The following DAB1 variants were observed in gnomAD, a reference collection of about 807,000 sequenced individuals.
The protein encoded by DAB1 is disabled homolog 1.
DAB1 carries 15 observed loss-of-function variants against 64.6 expected under a neutral mutation model. The observed-to-expected ratio is 0.23, with a 90% CI of 0.16 to 0.36. The LOEUF (loss-of-function observed/expected upper bound fraction) is 0.36, where lower values mean the gene tolerates loss of function less well. Among genes scored for constraint, DAB1 ranks in the 10% least tolerant of loss-of-function variants. DAB1 has a pLI of 1.00. For synonymous variants in DAB1, 235 were observed against 251.9 expected (o/e 0.93, Z 0.64); for missense variants, 596 against 706.7 (o/e 0.84, Z 1.78).
At chr1:58,167,910 C>G (rs1380268096) in intron 4 of DAB1, among the ~76,000 whole-genome samples, 1 of 152,198 alleles carries the variant, frequency 6.6e-6, no homozygotes, top group Non-Finnish European at 1.5e-5. Flanking sequence ...ACTTTAAGAA[C>G]TGTAACACTC....
At position 57,007,952 on chromosome 1, in the gene DAB1, C is replaced by A. The variant is rs1011702207; in HGVS notation, c.*15+2728G>T. Among the ~76,000 whole-genome samples, 6 of 152,182 alleles carry A rather than the reference C, an allele frequency of 3.9e-5. No homozygotes were observed. In the South Asian group the frequency reaches 1.2e-3, roughly 31 times the overall value. On this transcript the variant is annotated intron_variant, in intron 14 of 14. Coordinates refer to ENST00000371236, the MANE Select transcript of DAB1 (RefSeq NM_001365792.1). Reference sequence around the variant, plus strand: ...TTGTGCTGCTGTCGATGGAGGGACCCAGAATGGCTCTCCCAGACGTCCCCC... The same window carrying A: ...TTGTGCTGCTGTCGATGGAGGGACCAAGAATGGCTCTCCCAGACGTCCCCC...
chr1:58,376,184 T>G (rs1305647941), intron 3 of DAB1, among the ~76,000 whole-genome samples: 1 of 150,852 alleles, frequency 6.6e-6, no homozygotes, highest in East Asian at 1.9e-4. Context: ...TTCCTTCAGT[T>G]CTGCTCTGAT....
At chr1:57,428,086 T>C (rs754915914), upstream of DAB1, among the ~76,000 whole-genome samples, 17 of 152,062 alleles carry the variant, frequency 1.1e-4, no homozygotes, top group Admixed American at 2.6e-4. Flanking sequence ...GAGAATCACC[T>C]GAACCCAGGA....
intron 4 of DAB1, among the ~76,000 whole-genome samples, chr1:58,313,015 C>T (rs1321119101): frequency 1.3e-5 from 2 of 151,920 alleles, no homozygotes; most frequent in African/African-American, 4.8e-5. Flanking sequence ...TTATTTTAAC[C>T]CTTGGGGCCT....
intron 5 of DAB1, among the ~76,000 whole-genome samples, chr1:57,964,363 T>TA (rs1247068238): frequency 1.3e-5 from 2 of 152,218 alleles, no homozygotes; most frequent in Admixed American, 1.3e-4. Flanking sequence ...ATTGAGCTCT[T>TA]ACTGTAGACA....
At chr1:57,867,636 G>A (rs952799515) in intron 1 of DAB1, among the ~76,000 whole-genome samples, 2 of 152,064 alleles carry the variant, frequency 1.3e-5, no homozygotes, top group Non-Finnish European at 2.9e-5. Context: ...GTGTGGCCAC[G>A]TTGCCTCTCC....
Position 56,997,767 on chromosome 1 carries a change from G to C in DAB1, c.*377C>G, listed in dbSNP as rs1482898287. 6.6e-6 allele frequency: 1 copy of C among 152,172 alleles called. No individual in the cohort carries two copies. Among genetic ancestry groups the C allele is most frequent in the African/African-American group, 2.4e-5 (1 of 41,450 alleles). The allele number at this position is 152,172 out of a possible 1,614,324, so 9.4% of individuals were successfully genotyped here. ...TTTGGTGTCTCAACAGTGGTCAACA[G>C]GTAGAGAAATAAAAAGGGAATTAAT... On this transcript the variant is annotated 3_prime_UTR_variant, in exon 15 of 15. Coordinates refer to ENST00000371236, the MANE Select transcript of DAB1 (RefSeq NM_001365792.1).
At chr1:58,535,360 T>C (rs992577810) in intron 1 of DAB1, among the ~76,000 whole-genome samples, 1 of 152,150 alleles carries the variant, frequency 6.6e-6, no homozygotes, top group African/African-American at 2.4e-5. Flanking sequence ...CCCAGCACTT[T>C]AGGAGGTGGG....
intron 1 of DAB1, among the ~76,000 whole-genome samples, chr1:57,883,088 A>G (rs997735334): frequency 2.0e-5 from 3 of 152,170 alleles, no homozygotes; most frequent in African/African-American, 7.2e-5. Context: ...TGCTCTGTTA[A>G]TCAACCTCCC....
chr1:57,857,465 A>T (rs905085548), intron 1 of DAB1, among the ~76,000 whole-genome samples: 2 of 152,178 alleles, frequency 1.3e-5, no homozygotes, highest in African/African-American at 4.8e-5. Flanking sequence ...AGACTTACAA[A>T]GAGCTTTCTG....
At chr1:57,119,450 G>T (rs1656440192) in intron 4 of DAB1, among the ~76,000 whole-genome samples, 1 of 152,000 alleles carries the variant, frequency 6.6e-6, no homozygotes, top group Non-Finnish European at 1.5e-5. Flanking sequence ...CTTTATTACA[G>T]ACCACTTTAT....
chr1:57,583,606 G>A (rs930377806), intron 7 of DAB1, among the ~76,000 whole-genome samples: 1 of 152,086 alleles, frequency 6.6e-6, no homozygotes, highest in African/African-American at 2.4e-5. Flanking sequence ...TACATTAAAT[G>A]ATGGGATTGG....
chr1:58,378,000 A>G (rs1280288253), intron 3 of DAB1, among the ~76,000 whole-genome samples: 29 of 140,632 alleles, frequency 2.1e-4, no homozygotes, highest in African/African-American at 1.1e-4. Flanking sequence ...CATTCTTCAC[A>G]TAGTTCTCAA....
rs371621520 is a variant in DAB1 at position 57,401,244 on chromosome 1, CACA to C, written c.-137+22683_-137+22685del. On this transcript the variant is annotated intron_variant, in intron 1 of 14. Coordinates refer to ENST00000371236, the MANE Select transcript of DAB1 (RefSeq NM_001365792.1). ...CATGGTATAAGTATATAAGCAATTT[CACA>C]ACAACTATATAGGAATCTCCTTTCA... is the stretch of plus-strand genomic sequence containing the variant. 2.7e-3 allele frequency among the ~76,000 whole-genome samples: 415 copies of C among 152,274 alleles called. 1 individual carries two copies. The highest frequency in any genetic ancestry group is 9.4e-3 in the African/African-American group (392 of 41,560).
chr1:57,905,616 A>G (rs6674903), intron 5 of DAB1, among the ~76,000 whole-genome samples: 71,005 of 151,988 alleles, frequency 0.47, 17,161 homozygotes, highest in African/African-American at 0.58. Flanking sequence ...TCTGAAGCTC[A>G]GGGAAGAAGT....
chr1:57,389,219 A>G (rs914030019), intron 1 of DAB1, among the ~76,000 whole-genome samples: 1 of 152,086 alleles, frequency 6.6e-6, no homozygotes, highest in African/African-American at 2.4e-5. Context: ...TTTCTTGTCA[A>G]TTTTCATCTG....
chr1:57,509,385 C>T (rs756577108), intron 7 of DAB1, among the ~76,000 whole-genome samples: 14 of 152,070 alleles, frequency 9.2e-5, no homozygotes, highest in Non-Finnish European at 1.6e-4. Flanking sequence ...CGGAGGTAAA[C>T]GAGAAGAATG....
chr1:57,896,585 C>T (rs1644395452), intron 5 of DAB1, among the ~76,000 whole-genome samples: 1 of 152,122 alleles, frequency 6.6e-6, no homozygotes, highest in Admixed American at 6.6e-5. Flanking sequence ...GACCAAACCC[C>T]AGCTTCACCA....
At chr1:57,273,926 T>C (rs1410377139) in intron 2 of DAB1, among the ~76,000 whole-genome samples, 1 of 151,992 alleles carries the variant, frequency 6.6e-6, no homozygotes, top group Non-Finnish European at 1.5e-5. Flanking sequence ...TTCCTACACA[T>C]AGGCCTTCCA....
Sources: gnomAD v4.1 joint callset for allele counts (sites outside exome capture counted in the v4.1 genomes callset) on GRCh38, gnomAD v4.1.1 for gene constraint, MANE v1.5 for transcripts, NCBI Gene and HGNC (gene_info 2026-07-23, HGNC 2026-07-21) for gene names.